The following SYT1 variants were observed in gnomAD, a reference collection of about 807,000 sequenced individuals.
SYT1 encodes synaptotagmin 1.
A neutral mutation model predicts 44.8 loss-of-function variants in SYT1; 8 were observed. That is an observed-to-expected ratio of 0.18 (90% CI 0.10 to 0.32). The LOEUF is 0.32. Among genes scored for constraint, SYT1 ranks in the 10% least tolerant of loss-of-function variants. The pLI, the probability that SYT1 is intolerant of heterozygous loss-of-function variation, is 1.00. For synonymous variants in SYT1, 154 were observed against 188.8 expected (o/e 0.82, Z 1.51); for missense variants, 286 against 509.3 (o/e 0.56, Z 4.22).
intron 2 of SYT1, among the ~76,000 whole-genome samples, chr12:79,030,281 C>G (rs11112401): frequency 0.02 from 3,053 of 151,032 alleles, 47 homozygotes; most frequent in Non-Finnish European, 0.029. Context: ...CTAAGGATGT[C>G]TACAATATGG....
At chr12:78,997,607 A>G (rs185651465) in intron 2 of SYT1, among the ~76,000 whole-genome samples, 1 of 152,056 alleles carries the variant, frequency 6.6e-6, no homozygotes, top group East Asian at 1.9e-4. Context: ...GCCCTCCCAG[A>G]AGCCATCTAT....
chr12:79,075,192 G>A lies in SYT1; in HGVS notation c.-18+27830G>A, dbSNP rs547848914. Among the ~76,000 whole-genome samples, 7 of 152,102 alleles carry A rather than the reference G, an allele frequency of 4.6e-5. No homozygotes were observed. The East Asian group carries it at 5.8e-4, about 13-fold the overall frequency. ...ATACTAGGAGTTCCCCCATCAGTTC[G>A]TTCAATCTCTTGCTTCTTGGGCAAA... On this transcript the variant is annotated intron_variant, in intron 3 of 10. Coordinates refer to ENST00000261205, the MANE Select transcript of SYT1 (RefSeq NM_005639.3).
At chr12:78,887,373 T>A (rs768084624) in intron 1 of SYT1, among the ~76,000 whole-genome samples, 11 of 151,996 alleles carry the variant, frequency 7.2e-5, no homozygotes, top group Non-Finnish European at 1.5e-4. Flanking sequence ...TGAGTGTGGA[T>A]GCTGGCAATT....
intron 3 of SYT1, among the ~76,000 whole-genome samples, chr12:79,074,095 G>A (rs568622486): frequency 1.3e-3 from 199 of 152,268 alleles, no homozygotes; most frequent in African/African-American, 4.5e-3. Flanking sequence ...TAGAGACCAA[G>A]ACTCTGGAGT....
intron 3 of SYT1, among the ~76,000 whole-genome samples, chr12:79,069,828 C>A (rs1333825334): frequency 6.6e-6 from 1 of 151,942 alleles, no homozygotes; most frequent in Admixed American, 6.6e-5. Flanking sequence ...ATAATTTTTA[C>A]TTTTATGTTT....
chr12:78,979,482 T>G (rs1382116236), intron 2 of SYT1, among the ~76,000 whole-genome samples: 1 of 152,088 alleles, frequency 6.6e-6, no homozygotes, highest in African/African-American at 2.4e-5. Flanking sequence ...GTGATTATAA[T>G]GTAATCCAAA....
chr12:79,066,981 A>C lies in SYT1; in HGVS notation c.-18+19619A>C, dbSNP rs537831057. Among the ~76,000 whole-genome samples the C allele has an allele frequency of 3.3e-4, 50 of 152,300 alleles. 1 individual carries two copies. In the South Asian group the frequency reaches 9.1e-3, roughly 28 times the overall value. On this transcript the variant is annotated intron_variant, in intron 3 of 10. Transcript: ENST00000261205. ...GGGATAGGTTGGAAATACACATTAC[A>C]TGAATGTTACTATACATTGCCTTGA...
intron 1 of SYT1, among the ~76,000 whole-genome samples, chr12:78,961,084 T>C (rs1369732872): frequency 1.3e-5 from 2 of 152,142 alleles, no homozygotes; most frequent in Non-Finnish European, 2.9e-5. Context: ...TCCTTAAGTT[T>C]GCTACTTCAA....
At chr12:78,881,352 C>T (rs952643471) in intron 1 of SYT1, among the ~76,000 whole-genome samples, 1 of 151,648 alleles carries the variant, frequency 6.6e-6, no homozygotes, top group Non-Finnish European at 1.5e-5. Flanking sequence ...TTATGTAATA[C>T]TCTCAGCATA....
intron 2 of SYT1, among the ~76,000 whole-genome samples, chr12:78,990,507 T>C (rs1869945183): frequency 6.6e-6 from 1 of 152,154 alleles, no homozygotes. Flanking sequence ...GAAAAGACAA[T>C]GCGAGTTGAT....
chr12:79,365,761 C>T (rs1269613078), intron 9 of SYT1, among the ~76,000 whole-genome samples: 1 of 145,406 alleles, frequency 6.9e-6, no homozygotes, highest in African/African-American at 2.6e-5. Context: ...AAGTAAGATG[C>T]AATTACCCTA....
chr12:79,079,484 AT>A (rs1363360009), intron 3 of SYT1, among the ~76,000 whole-genome samples: 1 of 152,134 alleles, frequency 6.6e-6, no homozygotes, highest in African/African-American at 2.4e-5. Flanking sequence ...ACTAATACAG[AT>A]TATCATCTCA....
chr12:78,932,191 A>G (rs1286338185), intron 1 of SYT1, among the ~76,000 whole-genome samples: 1 of 152,218 alleles, frequency 6.6e-6, no homozygotes, highest in African/African-American at 2.4e-5. Context: ...TCTGAATATC[A>G]AAATTTAGGT....
intron 3 of SYT1, among the ~76,000 whole-genome samples, chr12:79,184,048 A>C (rs577549804): frequency 6.6e-6 from 1 of 152,196 alleles, no homozygotes; most frequent in South Asian, 2.1e-4. Context: ...AACATCCTGT[A>C]GTTTTGCCCA....
intron 3 of SYT1, among the ~76,000 whole-genome samples, chr12:79,158,335 GT>G (rs1870727779): frequency 6.6e-6 from 1 of 152,056 alleles, no homozygotes; most frequent in African/African-American, 2.4e-5. Flanking sequence ...TCACAATAGG[GT>G]TGGCCCTCCT....
At chr12:78,966,732 T>A (rs142478126) in intron 1 of SYT1, among the ~76,000 whole-genome samples, 34 of 152,256 alleles carry the variant, frequency 2.2e-4, no homozygotes, top group African/African-American at 7.0e-4. Flanking sequence ...CCTTTTGATA[T>A]GATGTTGGAG....
intron 1 of SYT1, among the ~76,000 whole-genome samples, chr12:78,905,519 T>G (rs911763462): frequency 6.6e-6 from 1 of 152,120 alleles, no homozygotes; most frequent in Non-Finnish European, 1.5e-5. Context: ...AATGTTTCCT[T>G]CAAAGTCATA....
intron 3 of SYT1, among the ~76,000 whole-genome samples, chr12:79,094,706 T>C (rs575925322): frequency 2.6e-5 from 4 of 152,030 alleles, no homozygotes; most frequent in South Asian, 2.1e-4. Flanking sequence ...TAGCTTTTTT[T>C]CCCTGAGTAT....
intron 1 of SYT1, among the ~76,000 whole-genome samples, chr12:78,898,447 A>G (rs1416269453): frequency 1.3e-5 from 2 of 152,128 alleles, no homozygotes; most frequent in Non-Finnish European, 2.9e-5. Flanking sequence ...AAAGAATTAC[A>G]AACAACATAA....
Sources: allele counts gnomAD v4.1 joint callset (sites outside exome capture counted in the v4.1 genomes callset), GRCh38; gene constraint gnomAD v4.1.1; transcripts MANE v1.5; gene names NCBI Gene and HGNC (gene_info 2026-07-23, HGNC 2026-07-21).